The following MMD variants were observed in gnomAD, a reference collection of about 807,000 sequenced individuals.
MMD encodes monocyte to macrophage differentiation associated, also known as monocyte to macrophage differentiation factor.
In MMD, 22 loss-of-function variants were observed where a neutral mutation model predicts 33.6. The ratio of observed to expected loss-of-function variants is 0.66; its 90% CI spans 0.47 to 0.94. MMD has a LOEUF of 0.94. Ranked by LOEUF, MMD falls within the 40% of genes least tolerant of loss-of-function variation. The probability of loss-of-function intolerance (pLI) is 0.00; values close to 1 mark genes in which losing one functional copy is unlikely to be tolerated. For missense variants in MMD, 242 were observed against 309.8 expected, an observed-to-expected ratio of 0.78 and a Z score of 1.64; for synonymous variants, 97 against 103.2, an observed-to-expected ratio of 0.94 and a Z score of 0.36.
At chr17:55,415,525 T>G (rs1437943023) in intron 1 of MMD, among the ~76,000 whole-genome samples, 2 of 152,214 alleles carry the variant, frequency 1.3e-5, no homozygotes, top group Non-Finnish European at 2.9e-5. Context: ...AGAACCAAGT[T>G]GCCAAAAATT....
chr17:55,403,787 A>G lies in MMD; in HGVS notation c.426T>C (p.Tyr142=), dbSNP rs1372130772. The change falls in exon 5 of 7, where the codon TAT becomes TAC. Residue 142 remains tyrosine (Y), a synonymous_variant. Coordinates refer to ENST00000262065, the MANE Select transcript of MMD (RefSeq NM_012329.3). The part of the protein sequence containing the change: ...IWLMAAGGTI[Y]VFLYHEKYKV... The stretch of plus-strand genomic sequence containing the variant: ...CTTACTTTTCATGGTAGAGAAATAC[A>G]TAAATGGTTCCTCCAGCTGCCATGA... 2 of 1,612,712 alleles carry G rather than the reference A, an allele frequency of 1.2e-6. No homozygotes were observed. Among genetic ancestry groups the G allele is most frequent in the Non-Finnish European group, 1.7e-6 (2 of 1,179,272 alleles).
intron 2 of MMD, among the ~76,000 whole-genome samples, chr17:55,412,682 A>AT (rs1907809152): frequency 6.6e-6 from 1 of 152,208 alleles, no homozygotes; most frequent in Non-Finnish European, 1.5e-5. Flanking sequence ...AGTTTTTCAG[A>AT]TGCTGAAGTT....
rs766985363 is a variant in MMD, at chr17:55,421,743, C to A, written c.-48G>T. 1 of 1,562,026 alleles carries A rather than the reference C, an allele frequency of 6.4e-7. No individual in the cohort carries two copies. The highest frequency in any genetic ancestry group is 1.1e-5 in the South Asian group (1 of 86,960). On this transcript the variant is annotated 5_prime_UTR_variant, in exon 1 of 7. Transcript: ENST00000262065. ...GGCCAGGAGCTCCGTCTCGTCAGCA[C>A]CGGCGGCCGGGCGCGCGGCCCTCAT...
chr17:55,398,931 CAG>C (rs1281040520), intron 6 of MMD, among the ~76,000 whole-genome samples: 1 of 152,186 alleles, frequency 6.6e-6, no homozygotes, highest in African/African-American at 2.4e-5. Context: ...CTGGAGCTTG[CAG>C]AGTTTTGGCC....
rs371213404 is a variant in MMD at position 55,404,118 on chromosome 17, G to A, written c.345-250C>T. On this transcript the variant is annotated intron_variant, in intron 4 of 6. Transcript: ENST00000262065. Reference sequence around the variant, plus strand: ...ATCTGTAATCCCAGCACTTTGGGAGGCCGAGGCAGACGGATCACTTGAGGT... The same window carrying A: ...ATCTGTAATCCCAGCACTTTGGGAGACCGAGGCAGACGGATCACTTGAGGT... Among the ~76,000 whole-genome samples the A allele has an allele frequency of 2.0e-5, 3 of 152,194 alleles. No individual in the cohort carries two copies. The South Asian group carries it at 6.2e-4, about 32-fold the overall frequency.
chr17:55,419,608 T>C (rs967712548), intron 1 of MMD, among the ~76,000 whole-genome samples: 1 of 61,414 alleles, frequency 1.6e-5, no homozygotes. Flanking sequence ...AGAATAGTAC[T>C]ACTCTCAGCA....
At position 55,405,811 on chromosome 17, in the gene MMD, C is replaced by T. The variant is rs1348148989; in HGVS notation, c.344+1935G>A. On this transcript the variant is annotated intron_variant, in intron 4 of 6. Transcript: ENST00000262065. ...TCATTGATGCTGCATTAGTCAGAAT[C>T]TAGAGGCATACTGTTTCTAATGACT... 2.0e-5 allele frequency among the ~76,000 whole-genome samples: 3 copies of T among 152,178 alleles called. No homozygotes were observed. In the East Asian group the frequency reaches 5.8e-4, roughly 29 times the overall value.
chr17:55,406,132 C>T (rs184311196), intron 4 of MMD, among the ~76,000 whole-genome samples: 148 of 151,758 alleles, frequency 9.8e-4, no homozygotes, highest in African/African-American at 3.4e-3. Flanking sequence ...CGGTGGCTCA[C>T]GCCTGTAATC....
chr17:55,397,666 G>A (rs775359580), intron 6 of MMD, among the ~76,000 whole-genome samples: 2 of 151,620 alleles, frequency 1.3e-5, no homozygotes, highest in Non-Finnish European at 2.9e-5. Context: ...TCAGCCTCTC[G>A]AGTAGCTGGG....
intron 1 of MMD, among the ~76,000 whole-genome samples, chr17:55,419,918 C>T (rs543810990): frequency 2.6e-5 from 4 of 152,184 alleles, no homozygotes; most frequent in Non-Finnish European, 5.9e-5. Context: ...AATAATAGCG[C>T]AAAAATCACA....
Position 55,409,587 on chromosome 17 carries a change from A to G in MMD, c.269+1670T>C, listed in dbSNP as rs867678480. ...TGCCTAGCACACAGGAGCACCTACCACATAATAAATGCAAATTCCCTTCTC... is the reference window on the plus strand; with the variant it reads ...TGCCTAGCACACAGGAGCACCTACCGCATAATAAATGCAAATTCCCTTCTC... On this transcript the variant is annotated intron_variant, in intron 3 of 6. Coordinates refer to ENST00000262065, the MANE Select transcript of MMD (RefSeq NM_012329.3). 4.6e-5 allele frequency among the ~76,000 whole-genome samples: 7 copies of G among 152,356 alleles called. No homozygotes were observed. In the Middle Eastern group the frequency reaches 0.014, roughly 296 times the overall value.
chr17:55,421,757 C>A lies in MMD; in HGVS notation c.-62G>T. ...TCTCGTCAGCACCGGCGGCCGGGCGCGCGGCCCTCATGGGCTTGGGCTGCT... is the reference window on the plus strand; with the variant it reads ...TCTCGTCAGCACCGGCGGCCGGGCGAGCGGCCCTCATGGGCTTGGGCTGCT... On this transcript the variant is annotated 5_prime_UTR_variant, in exon 1 of 7. Transcript: ENST00000262065. 6.4e-7 allele frequency: 1 copy of A among 1,550,674 alleles called. No homozygotes were observed. The highest frequency in any genetic ancestry group is 8.7e-7 in the Non-Finnish European group (1 of 1,152,416).
chr17:55,421,707 T>C lies in MMD; in HGVS notation c.-12A>G, dbSNP rs1908198111. On this transcript the variant is annotated 5_prime_UTR_variant, in exon 1 of 7. Coordinates refer to ENST00000262065, the MANE Select transcript of MMD (RefSeq NM_012329.3). The stretch of plus-strand genomic sequence containing the variant: ...TTCTTGAACCGCATTGATCCTCTGC[T>C]CCTCCTCGGGGGCCAGGAGCTCCGT... The C allele has an allele frequency of 1.9e-6, 3 of 1,585,660 alleles. No homozygotes were observed. In the East Asian group the frequency reaches 7.2e-5, roughly 38 times the overall value.
chr17:55,398,568 T>C lies in MMD; in HGVS notation c.516+2901A>G, dbSNP rs554461787. The stretch of plus-strand genomic sequence containing the variant: ...ATTTATTTTATTACATTATTATTGA[T>C]TTATTTCTGATAATATTTACTTATG... On this transcript the variant is annotated intron_variant, in intron 6 of 6. Coordinates refer to ENST00000262065, the MANE Select transcript of MMD (RefSeq NM_012329.3). 6.8e-3 allele frequency among the ~76,000 whole-genome samples: 1,028 copies of C among 152,078 alleles called. 7 individuals carry two copies. The highest frequency in any genetic ancestry group is 9.7e-3 in the Non-Finnish European group (658 of 67,982).
chr17:55,406,857 C>T (rs1907568400), intron 4 of MMD, among the ~76,000 whole-genome samples: 1 of 151,438 alleles, frequency 6.6e-6, no homozygotes, highest in African/African-American at 2.4e-5. Flanking sequence ...CAGTGAAATC[C>T]CGTCTCCCCC....
At position 55,395,882 on chromosome 17, in the gene MMD, T is replaced by G. The variant is rs192696208; in HGVS notation, c.517-1348A>C. ...TAGGAGCCCTCTTCTAGGATAGGGG[T>G]AAGGCTCTCATCAGATTCGCAAAGG... On this transcript the variant is annotated intron_variant, in intron 6 of 6. Coordinates refer to ENST00000262065, the MANE Select transcript of MMD (RefSeq NM_012329.3). 4.1e-4 allele frequency among the ~76,000 whole-genome samples: 63 copies of G among 152,262 alleles called. 1 individual carries two copies. The highest frequency in any genetic ancestry group is 3.9e-3 in the South Asian group (19 of 4,820).
In MMD at chr17:55,418,910, A is replaced by G. The variant is rs112316497; in HGVS notation, c.26+2760T>C. Reference sequence around the variant, plus strand: ...GGATTTTTGGTTGCAAGACTGTTGAAATGAGTACACACCAACAAGAAGATA... The same window carrying G: ...GGATTTTTGGTTGCAAGACTGTTGAGATGAGTACACACCAACAAGAAGATA... On this transcript the variant is annotated intron_variant, in intron 1 of 6. Transcript: ENST00000262065. Among the ~76,000 whole-genome samples, 332 of 152,296 alleles carry G rather than the reference A, an allele frequency of 2.2e-3. 1 individual carries two copies. The highest frequency in any genetic ancestry group is 4.0e-3 in the Non-Finnish European group (272 of 68,022).
chr17:55,404,007 G>T, intron 4 of MMD, 139 bp from the exon 5 acceptor site: 2 of 642,276 alleles, frequency 3.1e-6, no homozygotes, highest in Admixed American at 3.4e-5. Flanking sequence ...AGGCATTTGG[G>T]CAATTTAGGT....
chr17:55,403,908 A>C (rs1907441863), intron 4 of MMD, 40 bp from the exon 5 acceptor site: 1 of 1,459,022 alleles, frequency 6.9e-7, no homozygotes, highest in Admixed American at 1.8e-5. Flanking sequence ...AGAAGTGATA[A>C]ATGAAGGGAA....
Sources: allele counts gnomAD v4.1 joint callset (sites outside exome capture counted in the v4.1 genomes callset), GRCh38; gene constraint gnomAD v4.1.1; transcripts MANE v1.5; gene names NCBI Gene and HGNC (gene_info 2026-07-23, HGNC 2026-07-21).